Variants in RBBP8 observed in about 807,000 individuals in gnomAD.
RBBP8 encodes the protein RB binding protein 8, endonuclease.
Under a neutral mutation model 108.3 loss-of-function variants are expected in RBBP8, and 88 were observed. That is an observed-to-expected ratio of 0.81 (90% CI 0.68 to 0.97). The LOEUF (loss-of-function observed/expected upper bound fraction) is 0.97. Ranked by LOEUF, RBBP8 falls within the 50% of genes least tolerant of loss-of-function variation. RBBP8 has a pLI of 0.00. For synonymous variants in RBBP8, 332 were observed against 348.2 expected, an observed-to-expected ratio of 0.95 and a Z score of 0.52; for missense variants, 1,023 against 1,049.0, an observed-to-expected ratio of 0.98 and a Z score of 0.34.
chr18:23,012,567 ACT>A (rs57321798), intron 16 of RBBP8, among the ~76,000 whole-genome samples: 74,597 of 151,950 alleles, frequency 0.49, 21,619 homozygotes, highest in Middle Eastern at 0.67. Flanking sequence ...CAAGCCTCTA[ACT>A]CTATTTAGTT....
chr18:22,930,225 A>G (rs1175852459), upstream of RBBP8, among the ~76,000 whole-genome samples: 1 of 152,238 alleles, frequency 6.6e-6, no homozygotes, highest in Non-Finnish European at 1.5e-5. Flanking sequence ...TAAATTCAGC[A>G]TTCTAGCCAG....
At chr18:22,962,580 TCTCA>T (rs1285910424) in intron 4 of RBBP8, among the ~76,000 whole-genome samples, 15 of 150,840 alleles carry the variant, frequency 9.9e-5, no homozygotes, top group African/African-American at 3.7e-4. Context: ...TGAGACAGAG[TCTCA>T]CTCACTCTGT....
Position 22,992,802 on chromosome 18 carries a change from G to A in RBBP8, c.975G>A (p.Val325=). The change falls in exon 11 of 19, where the codon GTG becomes GTA. Residue 325 remains valine (V), a synonymous_variant. Transcript: ENST00000327155. ...TPPQEELPTR[V]SSPVFGATSS... ...CTCAAGAAGAATTACCTACTCGAGT[G>A]TCATCTCCTGTATTTGGAGCTACCT... is the stretch of plus-strand genomic sequence containing the variant. The A allele has an allele frequency of 6.2e-7, 1 of 1,605,910 alleles. No homozygotes were observed. Among genetic ancestry groups the A allele is most frequent in the Non-Finnish European group, 8.5e-7 (1 of 1,172,850 alleles).
At chr18:22,930,003 T>TCATGAAGTTTGAA (rs1909962291), upstream of RBBP8, among the ~76,000 whole-genome samples, 1 of 152,212 alleles carries the variant, frequency 6.6e-6, no homozygotes, top group African/African-American at 2.4e-5. Context: ...AACACTCAAC[T>TCATGAAGTTTGAA]ACCCAGCTGC....
intron 8 of RBBP8, among the ~76,000 whole-genome samples, chr18:22,985,894 A>G (rs1401301354): frequency 2.6e-5 from 4 of 152,092 alleles, no homozygotes; most frequent in Non-Finnish European, 5.9e-5. Flanking sequence ...GAAGAAGTCC[A>G]AGTATTGAGC....
At chr18:22,937,185 A>AT (rs1768492101) in intron 2 of RBBP8, 1 of 809,864 alleles carries the variant, frequency 1.2e-6, no homozygotes, top group African/African-American at 1.8e-5. Flanking sequence ...TAGTTTTTCA[A>AT]TCCCCACCCT....
chr18:22,984,889 T>C lies in RBBP8; in HGVS notation c.608T>C (p.Met203Thr). Residue 203 changes from methionine (M) to threonine (T), a missense_variant, in exon 8 of 19, where the codon ATG becomes ACG. Coordinates refer to ENST00000327155, the MANE Select transcript of RBBP8 (RefSeq NM_002894.3). ...KLEHSVCANE[M>T]RKVSKSSTHP... is the part of the protein sequence containing the mutation. ...TCTTATTTTTTTCTCCCCTTAGAAA[T>C]GAGAAAAGTTTCCAAGTCTTCAACT... is the stretch of plus-strand genomic sequence containing the variant. The C allele has an allele frequency of 6.3e-7, 1 of 1,574,870 alleles. No homozygotes were observed. The highest frequency in any genetic ancestry group is 1.1e-5 in the South Asian group (1 of 89,446).
At chr18:22,951,833 G>C (rs2144500521) in intron 4 of RBBP8, among the ~76,000 whole-genome samples, 1 of 152,296 alleles carries the variant, frequency 6.6e-6, no homozygotes, top group East Asian at 1.9e-4. Flanking sequence ...CAAAAAATTT[G>C]TTAAAGGTTA....
chr18:22,958,500 A>G (rs931147634), intron 4 of RBBP8, among the ~76,000 whole-genome samples: 2 of 152,140 alleles, frequency 1.3e-5, no homozygotes, highest in African/African-American at 2.4e-5. Context: ...TACATCATTA[A>G]TATTATTTAA....
At chr18:22,998,099 G>A (rs886489426) in intron 14 of RBBP8, among the ~76,000 whole-genome samples, 1 of 152,068 alleles carries the variant, frequency 6.6e-6, no homozygotes, top group African/African-American at 2.4e-5. Context: ...AGACCTTATA[G>A]CCCCACAAGC....
At chr18:22,929,146 A>C (rs1351506319), upstream of RBBP8, among the ~76,000 whole-genome samples, 9 of 152,190 alleles carry the variant, frequency 5.9e-5, no homozygotes, top group Non-Finnish European at 2.9e-5. Context: ...TTGGAAAGGA[A>C]AGCACTAATT....
At chr18:23,011,312 G>A (rs536962849) in intron 16 of RBBP8, among the ~76,000 whole-genome samples, 4 of 152,128 alleles carry the variant, frequency 2.6e-5, no homozygotes, top group South Asian at 2.1e-4. Context: ...ATCTGTCAGC[G>A]GCATTTTTCC....
chr18:22,927,883 A>C (rs1382519900), intron 3 of RBBP8, among the ~76,000 whole-genome samples: 1 of 151,496 alleles, frequency 6.6e-6, no homozygotes, highest in Non-Finnish European at 1.5e-5. Context: ...CAACAGAGTG[A>C]GACTCTGTCT....
intron 14 of RBBP8, 126 bp from the exon 15 acceptor site, chr18:23,001,460 C>T (rs537891677): frequency 2.0e-5 from 21 of 1,075,482 alleles, no homozygotes; most frequent in Non-Finnish European, 2.4e-5. Flanking sequence ...TTTTAACAAC[C>T]GTATTTTAAG....
At chr18:22,914,757 A>T (rs1441599196) in intron 1 of RBBP8, among the ~76,000 whole-genome samples, 1 of 152,190 alleles carries the variant, frequency 6.6e-6, no homozygotes, top group African/African-American at 2.4e-5. Context: ...TCCTAAGTAC[A>T]TTCATTAGAG....
chr18:22,928,259 G>A (rs1909867335), intron 3 of RBBP8, among the ~76,000 whole-genome samples: 1 of 151,422 alleles, frequency 6.6e-6, no homozygotes, highest in Non-Finnish European at 1.5e-5. Context: ...TGACATCAAG[G>A]AGCCCAGCTG....
chr18:22,926,477 C>T (rs984949758), intron 3 of RBBP8, among the ~76,000 whole-genome samples: 2 of 152,102 alleles, frequency 1.3e-5, no homozygotes, highest in Non-Finnish European at 2.9e-5. Context: ...AGATCAACAA[C>T]GTTCTTCATC....
At chr18:22,974,281 A>T (rs1234950788) in intron 5 of RBBP8, among the ~76,000 whole-genome samples, 1 of 152,200 alleles carries the variant, frequency 6.6e-6, no homozygotes, top group African/African-American at 2.4e-5. Flanking sequence ...TTACAAATTA[A>T]ATAAATACAG....
chr18:22,968,680 A>G lies in RBBP8; in HGVS notation c.249-126A>G, dbSNP rs962211094. On this transcript the variant is annotated intron_variant, in intron 4 of 18. Transcript: ENST00000327155. ...AAGAATATGTTAAAGGTATAATAAC[A>G]TCATTAATCTAGTTGATTTTCACAG... 4 of 726,716 alleles carry G rather than the reference A, an allele frequency of 5.5e-6. No individual in the cohort carries two copies. In the African/African-American group the frequency reaches 7.1e-5, roughly 13 times the overall value. The allele number at this position is 726,716 out of a possible 1,614,324, so 45.0% of individuals were successfully genotyped here.
Sources: gnomAD v4.1 joint callset for allele counts (sites outside exome capture counted in the v4.1 genomes callset) on GRCh38, gnomAD v4.1.1 for gene constraint, MANE v1.5 for transcripts, NCBI Gene and HGNC (gene_info 2026-07-23, HGNC 2026-07-21) for gene names.